Variants in SBF2 observed in about 807,000 individuals in gnomAD.
SBF2 encodes the protein SET binding factor 2.
SBF2 carries 112 observed loss-of-function variants against 225.2 expected under a neutral mutation model. The ratio of observed to expected loss-of-function variants is 0.50; its 90% confidence interval spans 0.43 to 0.58. SBF2 has a LOEUF of 0.58. Ranked by LOEUF, SBF2 falls within the 20% of genes least tolerant of loss-of-function variation. The pLI is 0.00. For missense variants in SBF2, 1,996 were observed against 2,206.2 expected, an observed-to-expected ratio of 0.90 and a Z score of 1.91; for synonymous variants, 763 against 773.3, an observed-to-expected ratio of 0.99 and a Z score of 0.22.
At chr11:9,875,147 G>T (rs1365632359) in intron 17 of SBF2, among the ~76,000 whole-genome samples, 1 of 152,178 alleles carries the variant, frequency 6.6e-6, no homozygotes, top group Non-Finnish European at 1.5e-5. Context: ...TATAGACTGG[G>T]TCACAAAGTT....
At chr11:9,901,777 T>C (rs145081608) in intron 16 of SBF2, among the ~76,000 whole-genome samples, 137 of 152,266 alleles carry the variant, frequency 9.0e-4, no homozygotes, top group African/African-American at 3.0e-3. Flanking sequence ...CCTGAATAGC[T>C]GGGAATACAG....
chr11:10,121,508 G>C (rs1191326780), intron 2 of SBF2, among the ~76,000 whole-genome samples: 2 of 152,196 alleles, frequency 1.3e-5, no homozygotes, highest in African/African-American at 4.8e-5. Flanking sequence ...AAGGAGGATG[G>C]GATAAAGCCT....
chr11:10,007,178 T>C (rs887848676), intron 6 of SBF2, among the ~76,000 whole-genome samples: 2 of 152,156 alleles, frequency 1.3e-5, no homozygotes, highest in Admixed American at 1.3e-4. Flanking sequence ...TAAGGGTACA[T>C]GGTAAGATCA....
intron 17 of SBF2, among the ~76,000 whole-genome samples, chr11:9,886,369 C>T (rs910356064): frequency 1.3e-5 from 2 of 152,002 alleles, no homozygotes; most frequent in Non-Finnish European, 2.9e-5. Context: ...ATGTTTCTGA[C>T]CTCTATTCTT....
chr11:10,217,176 A>G (rs902347920), intron 1 of SBF2, among the ~76,000 whole-genome samples: 2 of 152,178 alleles, frequency 1.3e-5, no homozygotes, highest in African/African-American at 4.8e-5. Context: ...AGGAGAAGAT[A>G]ATTATTAAAA....
chr11:9,850,441 A>T (rs920173587), intron 21 of SBF2, among the ~76,000 whole-genome samples: 3 of 152,096 alleles, frequency 2.0e-5, no homozygotes, highest in African/African-American at 7.2e-5. Context: ...TTTTTTTTGT[A>T]CAGATGGGAT....
At chr11:9,990,656 C>G (rs1438903330) in intron 12 of SBF2, among the ~76,000 whole-genome samples, 2 of 152,188 alleles carry the variant, frequency 1.3e-5, no homozygotes, top group Non-Finnish European at 2.9e-5. Flanking sequence ...AAACAGAGAA[C>G]TGGATGAACA....
intron 1 of SBF2, among the ~76,000 whole-genome samples, chr11:10,222,951 C>A (rs1958394766): frequency 6.6e-6 from 1 of 151,892 alleles, no homozygotes; most frequent in African/African-American, 2.4e-5. Context: ...ATATATATAT[C>A]ATTTTTATTA....
At chr11:9,924,429 T>C (rs1386150158) in intron 16 of SBF2, among the ~76,000 whole-genome samples, 1 of 152,030 alleles carries the variant, frequency 6.6e-6, no homozygotes, top group Non-Finnish European at 1.5e-5. Flanking sequence ...CATTTTCTTA[T>C]TTATTTATTT....
Position 9,877,503 on chromosome 11 carries a change from C to T in SBF2, c.1929+18440G>A, listed in dbSNP as rs150264493. Among the ~76,000 whole-genome samples, 1,038 of 152,240 alleles carry T rather than the reference C, an allele frequency of 6.8e-3. 10 individuals carry two copies. The highest frequency in any genetic ancestry group is 0.024 in the African/African-American group (983 of 41,522). On this transcript the variant is annotated intron_variant, in intron 17 of 39. Transcript: ENST00000256190. ...TGTTGGTTTGCTGCACCCATCAACT[C>T]GTCATTTACATCAGGTATTTCTCCT...
At chr11:9,788,353 G>A (rs1852508556) in intron 35 of SBF2, among the ~76,000 whole-genome samples, 2 of 152,178 alleles carry the variant, frequency 1.3e-5, no homozygotes, top group African/African-American at 4.8e-5. Flanking sequence ...CTATTCCTCA[G>A]GCTGGCTACT....
chr11:10,270,506 G>A (rs1239312772), intron 1 of SBF2, among the ~76,000 whole-genome samples: 1 of 152,160 alleles, frequency 6.6e-6, no homozygotes, highest in African/African-American at 2.4e-5. Context: ...GGAGGAGGAA[G>A]AGGAAGGGTT....
intron 2 of SBF2, among the ~76,000 whole-genome samples, chr11:10,114,788 T>C (rs1953051211): frequency 6.6e-6 from 1 of 152,254 alleles, no homozygotes; most frequent in Non-Finnish European, 1.5e-5. Flanking sequence ...TTGAAGTTTT[T>C]CTATTATCTT....
intron 6 of SBF2, among the ~76,000 whole-genome samples, chr11:10,003,075 CTA>C (rs1412292605): frequency 1.3e-5 from 2 of 152,194 alleles, no homozygotes; most frequent in Non-Finnish European, 2.9e-5. Flanking sequence ...AATTTGCCTA[CTA>C]TATCTTTTCT....
chr11:9,907,066 G>C (rs1365108308), intron 16 of SBF2, among the ~76,000 whole-genome samples: 1 of 152,184 alleles, frequency 6.6e-6, no homozygotes, highest in Non-Finnish European at 1.5e-5. Flanking sequence ...GTTTAGATTA[G>C]ACACAGCTCA....
At position 9,984,515 on chromosome 11, in the gene SBF2, T is replaced by A. The variant is rs377029666; in HGVS notation, c.1395+4982A>T. Among the ~76,000 whole-genome samples, 35 of 152,244 alleles carry A rather than the reference T, an allele frequency of 2.3e-4. No individual in the cohort carries two copies. In the East Asian group the frequency reaches 5.8e-3, roughly 25 times the overall value. Reference sequence around the variant, plus strand: ...AGCCTGGAAAACATATTTGGGGGAATAATTGAGGAAAACATCCCCGGCCTT... The same window carrying A: ...AGCCTGGAAAACATATTTGGGGGAAAAATTGAGGAAAACATCCCCGGCCTT... On this transcript the variant is annotated intron_variant, in intron 13 of 39. Transcript: ENST00000256190.
chr11:9,942,853 A>C (rs962339986), intron 16 of SBF2, among the ~76,000 whole-genome samples: 27 of 145,676 alleles, frequency 1.9e-4, no homozygotes, highest in African/African-American at 6.5e-4. Flanking sequence ...AAAACAAAGA[A>C]AGAAAGGAAG....
At chr11:10,192,034 G>A (rs149869577) in intron 2 of SBF2, among the ~76,000 whole-genome samples, 86 of 152,230 alleles carry the variant, frequency 5.6e-4, no homozygotes, top group African/African-American at 2.0e-3. Context: ...GTGAATGGAG[G>A]TAGGAACCCA....
At chr11:10,160,940 A>C (rs1955700257) in intron 2 of SBF2, among the ~76,000 whole-genome samples, 2 of 152,104 alleles carry the variant, frequency 1.3e-5, no homozygotes, top group South Asian at 4.1e-4. Flanking sequence ...TAATCCCAGC[A>C]CTTTGGGAGG....
Sources: allele counts gnomAD v4.1 joint callset (sites outside exome capture counted in the v4.1 genomes callset), GRCh38; gene constraint gnomAD v4.1.1; transcripts MANE v1.5; gene names NCBI Gene and HGNC (gene_info 2026-07-23, HGNC 2026-07-21).